Variants in PLEKHA7 observed in about 807,000 individuals in gnomAD.
The protein encoded by PLEKHA7 is pleckstrin homology domain containing A7.
In PLEKHA7, 104 loss-of-function variants were observed where a neutral mutation model predicts 170.0. The ratio of observed to expected loss-of-function variants is 0.61; its 90% CI spans 0.52 to 0.72. PLEKHA7 has a LOEUF of 0.72. PLEKHA7 is among the 30% of genes least tolerant of loss of function. The pLI is 0.00. For synonymous variants in PLEKHA7, 648 were observed against 660.8 expected, an observed-to-expected ratio of 0.98 and a Z score of 0.30; for missense variants, 1,615 against 1,671.7, an observed-to-expected ratio of 0.97 and a Z score of 0.59.
At chr11:16,847,159 C>T (rs897611252) in intron 8 of PLEKHA7, among the ~76,000 whole-genome samples, 10 of 141,566 alleles carry the variant, frequency 7.1e-5, no homozygotes, top group Non-Finnish European at 1.3e-4. Flanking sequence ...TGCAGTGGCA[C>T]GATCTCAGCT....
chr11:16,828,247 T>C (rs1231818472), intron 9 of PLEKHA7, among the ~76,000 whole-genome samples: 1 of 152,178 alleles, frequency 6.6e-6, no homozygotes, highest in Non-Finnish European at 1.5e-5. Context: ...ATGAGGTAGG[T>C]TACCCTCATG....
intron 3 of PLEKHA7, among the ~76,000 whole-genome samples, chr11:16,996,095 T>A (rs1225845568): frequency 2.0e-5 from 3 of 152,240 alleles, no homozygotes; most frequent in Non-Finnish European, 2.9e-5. Context: ...AAATAAATTA[T>A]AAAATCTGTT....
intron 3 of PLEKHA7, among the ~76,000 whole-genome samples, chr11:16,996,726 C>T (rs563963669): frequency 7.3e-4 from 111 of 152,110 alleles, no homozygotes; most frequent in Middle Eastern, 6.8e-3. Flanking sequence ...CACGAGGTCA[C>T]GAGATCGAGA....
chr11:16,909,684 C>G (rs899882630), intron 3 of PLEKHA7, among the ~76,000 whole-genome samples: 12 of 152,190 alleles, frequency 7.9e-5, no homozygotes, highest in African/African-American at 2.9e-4. Flanking sequence ...AAGCACTGCA[C>G]TAGCTGAGCT....
intron 17 of PLEKHA7, among the ~76,000 whole-genome samples, chr11:16,800,524 A>G (rs116245818): frequency 0.013 from 1,977 of 152,296 alleles, 42 homozygotes; most frequent in African/African-American, 0.046. Flanking sequence ...AAAGGACAGA[A>G]TTCACACTGT....
chr11:16,896,372 G>A (rs1856993027), intron 3 of PLEKHA7, among the ~76,000 whole-genome samples: 1 of 152,158 alleles, frequency 6.6e-6, no homozygotes, highest in African/African-American at 2.4e-5. Flanking sequence ...AGCCCAGAGT[G>A]CTAAACACCA....
At chr11:16,809,540 T>C (rs1849219065) in intron 13 of PLEKHA7, among the ~76,000 whole-genome samples, 1 of 152,216 alleles carries the variant, frequency 6.6e-6, no homozygotes, top group African/African-American at 2.4e-5. Context: ...TCCATTTCCA[T>C]GCCCAGAATG....
chr11:17,003,420 C>T (rs901620139), intron 3 of PLEKHA7, among the ~76,000 whole-genome samples: 1 of 152,236 alleles, frequency 6.6e-6, no homozygotes, highest in Non-Finnish European at 1.5e-5. Context: ...AATTAGGACT[C>T]AGAAGTCATG....
intron 4 of PLEKHA7, among the ~76,000 whole-genome samples, chr11:16,858,971 A>G (rs1322591936): frequency 6.6e-6 from 1 of 152,228 alleles, no homozygotes; most frequent in African/African-American, 2.4e-5. Flanking sequence ...GGAGTGCGGA[A>G]AGAATACAAA....
chr11:16,816,782 G>C lies in PLEKHA7; in HGVS notation c.1866+18C>G. ...CTCATGATGACCCAGCAGCCTGGCA[G>C]AGCTTCCCGAGCCTCACCTTGACAG... is the stretch of plus-strand genomic sequence containing the variant. On this transcript the variant is annotated intron_variant, in intron 11 of 26. Transcript: ENST00000531066. The C allele has an allele frequency of 1.2e-6, 2 of 1,609,748 alleles. No individual in the cohort carries two copies. The highest frequency in any genetic ancestry group is 1.7e-6 in the Non-Finnish European group (2 of 1,178,212).
chr11:16,821,749 C>G (rs1030446474), intron 10 of PLEKHA7, among the ~76,000 whole-genome samples: 1 of 152,126 alleles, frequency 6.6e-6, no homozygotes, highest in African/African-American at 2.4e-5. Context: ...CTATAAGAGG[C>G]AGACCTTTTA....
At chr11:16,820,568 C>T (rs1850134089) in intron 10 of PLEKHA7, among the ~76,000 whole-genome samples, 1 of 152,044 alleles carries the variant, frequency 6.6e-6, no homozygotes, top group African/African-American at 2.4e-5. Context: ...GTGGCAGAAA[C>T]CAGGCTGGAG....
At chr11:16,889,420 A>AAAAAAAAAAATAT (rs61086849) in intron 3 of PLEKHA7, among the ~76,000 whole-genome samples, 33 of 74,656 alleles carry the variant, frequency 4.4e-4, no homozygotes, top group African/African-American at 5.0e-4. Flanking sequence ...AAAAAAAAAA[A>AAAAAAAAAAATAT]ATATATATAT....
chr11:16,861,858 G>A (rs1218396770), intron 4 of PLEKHA7, among the ~76,000 whole-genome samples: 4 of 152,152 alleles, frequency 2.6e-5, no homozygotes, highest in Non-Finnish European at 5.9e-5. Flanking sequence ...AAGTAAATGA[G>A]AAGAGGACAC....
At chr11:16,927,711 C>T (rs1859662709) in intron 3 of PLEKHA7, among the ~76,000 whole-genome samples, 1 of 152,242 alleles carries the variant, frequency 6.6e-6, no homozygotes, top group South Asian at 2.1e-4. Flanking sequence ...CTTTAAAATG[C>T]TCATATCCTG....
intron 4 of PLEKHA7, among the ~76,000 whole-genome samples, chr11:16,867,166 C>T (rs1325804632): frequency 6.6e-6 from 1 of 152,084 alleles, no homozygotes; most frequent in Admixed American, 6.6e-5. Flanking sequence ...GAGCAAGTTG[C>T]CTAAATCAGT....
chr11:16,915,693 C>T (rs1315112403), intron 3 of PLEKHA7, among the ~76,000 whole-genome samples: 4 of 151,738 alleles, frequency 2.6e-5, no homozygotes, highest in Non-Finnish European at 5.9e-5. Context: ...GACATGAACT[C>T]ATCATTTTTT....
chr11:16,875,836 C>CT (rs963572032), intron 3 of PLEKHA7, among the ~76,000 whole-genome samples: 12 of 152,148 alleles, frequency 7.9e-5, no homozygotes, highest in African/African-American at 2.9e-4. Flanking sequence ...AGTGAGGTCC[C>CT]TGGGCGATTC....
intron 10 of PLEKHA7, among the ~76,000 whole-genome samples, chr11:16,821,496 C>T (rs1334339976): frequency 6.6e-6 from 1 of 152,180 alleles, no homozygotes; most frequent in Non-Finnish European, 1.5e-5. Flanking sequence ...ATTAGAAATA[C>T]TTCCCTGTTG....
Sources: gnomAD v4.1 joint callset for allele counts (sites outside exome capture counted in the v4.1 genomes callset) on GRCh38, gnomAD v4.1.1 for gene constraint, MANE v1.5 for transcripts, NCBI Gene and HGNC (gene_info 2026-07-23, HGNC 2026-07-21) for gene names.